The following ZNF609 variants were observed in gnomAD, a reference collection of about 807,000 sequenced individuals.
ZNF609 encodes zinc finger protein 609.
Under a neutral mutation model 109.5 loss-of-function variants are expected in ZNF609, and 11 were observed. The observed-to-expected ratio is 0.10, with a 90% confidence interval of 0.06 to 0.17. The LOEUF is 0.17. Ranked by LOEUF, ZNF609 falls within the 10% of genes least tolerant of loss-of-function variation. The pLI, the probability that ZNF609 is intolerant of heterozygous loss-of-function variation, is 1.00. For missense variants in ZNF609, 1,559 were observed against 1,772.4 expected (o/e 0.88, Z 2.16); for synonymous variants, 646 against 662.0 (o/e 0.98, Z 0.37).
chr15:64,525,018 T>C (rs1893950533), intron 2 of ZNF609, among the ~76,000 whole-genome samples: 1 of 152,188 alleles, frequency 6.6e-6, no homozygotes, highest in Non-Finnish European at 1.5e-5. Context: ...GCCATCCTGG[T>C]GGGTGTAAAG....
chr15:64,681,518 T>C (rs961425727), intron 9 of ZNF609, 131 bp downstream of exon 9: 4 of 750,556 alleles, frequency 5.3e-6, no homozygotes, highest in Non-Finnish European at 9.0e-6. Flanking sequence ...TGGCCAAGCC[T>C]CTTGTACAAG....
In ZNF609 at chr15:64,684,373, G is replaced by A. The variant is rs1360133737; in HGVS notation, c.*2687G>A. ...AGCCACCCCTGCCCAGGCCCTCACA[G>A]ACATTGCTCACGGGGCTTCCCATAG... On this transcript the variant is annotated 3_prime_UTR_variant, in exon 10 of 10. Transcript: ENST00000326648. 6.6e-6 allele frequency: 1 copy of A among 152,272 alleles called. No homozygotes were observed. The highest frequency in any genetic ancestry group is 2.4e-5 in the African/African-American group (1 of 41,426). The allele number at this position is 152,272 out of a possible 1,614,324, so 9.4% of individuals were successfully genotyped here. A position where few individuals can be genotyped will look rare whatever the true frequency, so the allele number is the denominator to read the frequency against.
intron 2 of ZNF609, among the ~76,000 whole-genome samples, chr15:64,538,570 G>C (rs1567008525): frequency 1.3e-5 from 2 of 152,100 alleles, no homozygotes; most frequent in Non-Finnish European, 2.9e-5. Context: ...TTTTGAGAGA[G>C]AGTTTCACTC....
rs951737916 is a variant in ZNF609 at position 64,686,016 on chromosome 15, T to A, written c.*4330T>A. 2.6e-5 allele frequency: 4 copies of A among 152,236 alleles called. No individual in the cohort carries two copies. The highest frequency in any genetic ancestry group is 5.9e-5 in the Non-Finnish European group (4 of 68,048). 9.4% of individuals were successfully genotyped at this position (152,236 alleles called of 1,614,324 possible). On this transcript the variant is annotated 3_prime_UTR_variant, in exon 10 of 10. Coordinates refer to ENST00000326648, the MANE Select transcript of ZNF609 (RefSeq NM_015042.2). ...TGGCTTTGGAATTGAAATATATTTT[T>A]AAATTATTTGTTGTATTTATTGAAT...
Position 64,598,391 on chromosome 15 carries a change from C to T in ZNF609, c.748-24436C>T, listed in dbSNP as rs181892462. Among the ~76,000 whole-genome samples, 197 of 152,278 alleles carry T rather than the reference C, an allele frequency of 1.3e-3. 2 individuals are homozygous for T. Among genetic ancestry groups the T allele is most frequent in the African/African-American group, 4.7e-3 (195 of 41,570 alleles). ...TCAACCTCCAAAAGTGCTGGGACTA[C>T]AGGCATGAGACACCACATCCAGCCT... On this transcript the variant is annotated intron_variant, in intron 2 of 9. Coordinates refer to ENST00000326648, the MANE Select transcript of ZNF609 (RefSeq NM_015042.2).
chr15:64,680,152 A>G (rs542959153), intron 6 of ZNF609, 33 bp from the exon 7 acceptor site: 14 of 1,608,484 alleles, frequency 8.7e-6, no homozygotes, highest in African/African-American at 2.7e-5. Context: ...TACCTCTCCC[A>G]TCTCTTTGAC....
chr15:64,494,304 G>A (rs895641753), intron 1 of ZNF609, among the ~76,000 whole-genome samples: 7 of 152,096 alleles, frequency 4.6e-5, no homozygotes, highest in African/African-American at 1.7e-4. Context: ...CCACACACAG[G>A]AGAATCTTTT....
At chr15:64,477,691 C>T (rs1426170397) in intron 1 of ZNF609, among the ~76,000 whole-genome samples, 1 of 150,414 alleles carries the variant, frequency 6.6e-6, no homozygotes, top group Non-Finnish European at 1.5e-5. Context: ...TGCAGTGGCG[C>T]GATCTCAGCT....
At chr15:64,532,011 G>A (rs1278777394) in intron 2 of ZNF609, among the ~76,000 whole-genome samples, 2 of 152,002 alleles carry the variant, frequency 1.3e-5, no homozygotes, top group Non-Finnish European at 2.9e-5. Flanking sequence ...GCTTCTCTCT[G>A]CCATACCTCT....
At chr15:64,585,800 C>G (rs1895185313) in intron 2 of ZNF609, among the ~76,000 whole-genome samples, 1 of 152,158 alleles carries the variant, frequency 6.6e-6, no homozygotes, top group Non-Finnish European at 1.5e-5. Flanking sequence ...CAGAAGGAGA[C>G]TGATTCTAAA....
At chr15:64,592,027 G>A (rs1197346842) in intron 2 of ZNF609, among the ~76,000 whole-genome samples, 1 of 151,930 alleles carries the variant, frequency 6.6e-6, no homozygotes, top group Non-Finnish European at 1.5e-5. Flanking sequence ...ATCAGCTGGT[G>A]GAATGTGCCT....
At chr15:64,563,956 T>C (rs1053095072) in intron 2 of ZNF609, among the ~76,000 whole-genome samples, 2 of 152,040 alleles carry the variant, frequency 1.3e-5, no homozygotes, top group Admixed American at 1.3e-4. Flanking sequence ...CGATCTCTGC[T>C]CACTGCAGCC....
intron 1 of ZNF609, chr15:64,470,129 T>G (rs971471732): frequency 6.6e-6 from 1 of 152,176 alleles, no homozygotes; most frequent in Non-Finnish European, 1.5e-5. Context: ...TTTGACAGGG[T>G]CTTACCCAGC....
intron 2 of ZNF609, among the ~76,000 whole-genome samples, chr15:64,622,588 T>C (rs1263052169): frequency 6.6e-6 from 1 of 152,166 alleles, no homozygotes; most frequent in African/African-American, 2.4e-5. Flanking sequence ...AGGAAGATCA[T>C]TAAGAAGATC....
At chr15:64,680,539 G>T (rs1299805263) in intron 7 of ZNF609, 107 bp from the exon 8 acceptor site, 2 of 1,288,254 alleles carry the variant, frequency 1.6e-6, no homozygotes, top group Admixed American at 4.2e-5. Flanking sequence ...GGGGTCATAA[G>T]GTGGCACCCT....
chr15:64,563,450 CAA>C (rs573467381), intron 2 of ZNF609, among the ~76,000 whole-genome samples: 1 of 135,398 alleles, frequency 7.4e-6, no homozygotes, highest in African/African-American at 2.7e-5. Flanking sequence ...AACCCTGCCT[CAA>C]AAAAAAAAAA....
At chr15:64,597,779 C>G (rs943418787) in intron 2 of ZNF609, among the ~76,000 whole-genome samples, 3 of 152,160 alleles carry the variant, frequency 2.0e-5, no homozygotes, top group Admixed American at 1.3e-4. Context: ...CACAGAGATA[C>G]TGCCCCATCC....
At chr15:64,484,159 A>C (rs1674161146) in intron 1 of ZNF609, among the ~76,000 whole-genome samples, 1 of 152,036 alleles carries the variant, frequency 6.6e-6, no homozygotes, top group Admixed American at 6.6e-5. Context: ...CATTTTAATA[A>C]ATGTTTCACA....
chr15:64,643,475 T>G (rs1449339688), intron 3 of ZNF609, among the ~76,000 whole-genome samples: 2 of 152,140 alleles, frequency 1.3e-5, no homozygotes, highest in Non-Finnish European at 2.9e-5. Flanking sequence ...GTCATTCTCC[T>G]TTAGAAATAA....
Sources: gnomAD v4.1 joint callset for allele counts (sites outside exome capture counted in the v4.1 genomes callset) on GRCh38, gnomAD v4.1.1 for gene constraint, MANE v1.5 for transcripts, NCBI Gene and HGNC (gene_info 2026-07-23, HGNC 2026-07-21) for gene names.